SPOCK2: variants seen among roughly 807,000 people sequenced by gnomAD.
The protein encoded by SPOCK2 is SPARC (osteonectin), cwcv and kazal like domains proteoglycan 2.
Under a neutral mutation model 60.1 loss-of-function variants are expected in SPOCK2, and 39 were observed. The observed-to-expected ratio is 0.65, with a 90% CI of 0.50 to 0.85. The LOEUF (loss-of-function observed/expected upper bound fraction) is 0.85. Among genes scored for constraint, SPOCK2 ranks in the 40% least tolerant of loss-of-function variants. SPOCK2 has a pLI of 0.00. For synonymous variants in SPOCK2, 217 were observed against 231.5 expected, an observed-to-expected ratio of 0.94 and a Z score of 0.57; for missense variants, 523 against 567.4, an observed-to-expected ratio of 0.92 and a Z score of 0.80.
At position 72,084,423 on chromosome 10, in the gene SPOCK2, C is replaced by A. The variant is rs544597465; in HGVS notation, c.189+3717G>T. On this transcript the variant is annotated intron_variant, in intron 1 of 10. Transcript: ENST00000373109. Reference sequence around the variant, plus strand: ...CCAGAGCTGTCCCAGCACACTGCACCCCGGCCCCTCCTGGGTGGAGAGCTG... The same window carrying A: ...CCAGAGCTGTCCCAGCACACTGCACACCGGCCCCTCCTGGGTGGAGAGCTG... 5.9e-5 allele frequency among the ~76,000 whole-genome samples: 9 copies of A among 152,330 alleles called. No individual in the cohort carries two copies. The South Asian group carries it at 1.9e-3, about 32-fold the overall frequency.
chr10:72,076,353 CTATT>C (rs1271566371), intron 1 of SPOCK2, among the ~76,000 whole-genome samples: 2 of 152,140 alleles, frequency 1.3e-5, no homozygotes, highest in South Asian at 2.1e-4. Flanking sequence ...TGTTGGGTGT[CTATT>C]TATGGCACCC....
chr10:72,086,194 A>G, intron 1 of SPOCK2: 2 of 985,850 alleles, frequency 2.0e-6, no homozygotes, highest in Non-Finnish European at 2.4e-6. Flanking sequence ...AAGCTTTCCC[A>G]TGAATCTTAC....
intron 1 of SPOCK2, among the ~76,000 whole-genome samples, chr10:72,083,513 T>G (rs979740207): frequency 6.6e-6 from 1 of 152,236 alleles, no homozygotes; most frequent in Non-Finnish European, 1.5e-5. Flanking sequence ...AGCTCTTCTG[T>G]GCTCCAGGTA....
intron 8 of SPOCK2, among the ~76,000 whole-genome samples, chr10:72,066,527 G>C (rs977440212): frequency 1.3e-4 from 19 of 146,108 alleles, no homozygotes; most frequent in African/African-American, 4.1e-4. Context: ...TTTTCACAGA[G>C]AGGAGGTCTC....
intron 6 of SPOCK2, 100 bp from the exon 7 acceptor site, chr10:72,067,832 G>T: frequency 1.3e-6 from 2 of 1,506,834 alleles, no homozygotes; most frequent in South Asian, 2.4e-5. Flanking sequence ...GGCTGGGCAG[G>T]GGTCCGGGAG....
chr10:72,082,805 G>T (rs924296675), intron 1 of SPOCK2, among the ~76,000 whole-genome samples: 3 of 138,360 alleles, frequency 2.2e-5, no homozygotes, highest in East Asian at 4.2e-4. Flanking sequence ...AGTGAGCCAG[G>T]ATTGCATCAC....
intron 8 of SPOCK2, among the ~76,000 whole-genome samples, chr10:72,064,623 G>A (rs1023243612): frequency 1.6e-4 from 24 of 152,328 alleles, no homozygotes; most frequent in South Asian, 8.3e-4. Context: ...ATACAGCCAC[G>A]CGCTACACAA....
chr10:72,071,632 G>T (rs1840648257), intron 4 of SPOCK2, among the ~76,000 whole-genome samples: 1 of 152,180 alleles, frequency 6.6e-6, no homozygotes, highest in South Asian at 2.1e-4. Context: ...TAACCTATTT[G>T]TCTTAGAGAT....
At chr10:72,082,431 T>TC (rs1410989312) in intron 1 of SPOCK2, among the ~76,000 whole-genome samples, 4 of 151,836 alleles carry the variant, frequency 2.6e-5, no homozygotes, top group African/African-American at 4.8e-5. Flanking sequence ...CATATCTGTG[T>TC]CCCCCCCAGA....
In SPOCK2 at chr10:72,066,886, G is replaced by A. The variant is rs150653253; in HGVS notation, c.928+16C>T. ...ACACGGGTGAGGCAGGGGCCTGGGA[G>A]GGGGGCTGCACTCACTCTCCCTCCA... is the stretch of plus-strand genomic sequence containing the variant. On this transcript the variant is annotated intron_variant, in intron 8 of 10. Coordinates refer to ENST00000373109, the MANE Select transcript of SPOCK2 (RefSeq NM_001244950.2). 70 of 1,613,646 alleles carry A rather than the reference G, an allele frequency of 4.3e-5. No homozygotes were observed. In the South Asian group the frequency reaches 7.0e-4, roughly 16 times the overall value.
At chr10:72,080,676 G>A (rs1298218334) in intron 1 of SPOCK2, among the ~76,000 whole-genome samples, 2 of 152,108 alleles carry the variant, frequency 1.3e-5, no homozygotes, top group African/African-American at 4.8e-5. Context: ...TGGAGGGGGC[G>A]GCAGAGGCTG....
At position 72,064,114 on chromosome 10, in the gene SPOCK2, G is replaced by A. The variant is rs961479913; in HGVS notation, c.991+64C>T. ...TGAGGCCCAAGGCTGGAGGCCCTGG[G>A]TCTCAGACAAACCCAGGAAGCCGTC... On this transcript the variant is annotated intron_variant, in intron 9 of 10. Coordinates refer to ENST00000373109, the MANE Select transcript of SPOCK2 (RefSeq NM_001244950.2). 9 of 1,579,374 alleles carry A rather than the reference G, an allele frequency of 5.7e-6. No homozygotes were observed. The African/African-American group carries it at 8.1e-5, about 14-fold the overall frequency.
intron 1 of SPOCK2, chr10:72,086,546 C>T (rs915999909): frequency 2.6e-6 from 3 of 1,140,490 alleles, no homozygotes; most frequent in East Asian, 1.6e-4. Flanking sequence ...GGCCTGCTGC[C>T]GCCCCCTCGC....
rs978121470 is a variant in SPOCK2, at chr10:72,059,952, T to C, written c.*2808A>G. The stretch of plus-strand genomic sequence containing the variant: ...CCAGGACCAAGCAAGCAAGAAACCG[T>C]TCTTTGAACACATGGTTAAGCTTCT... On this transcript the variant is annotated 3_prime_UTR_variant, in exon 11 of 11. Transcript: ENST00000373109. The C allele has an allele frequency of 3.3e-5, 5 of 152,672 alleles. No homozygotes were observed. Among genetic ancestry groups the C allele is most frequent in the Admixed American group, 6.5e-5 (1 of 15,276 alleles). The allele number at this position is 152,672 out of a possible 1,614,324, so 9.5% of individuals were successfully genotyped here.
chr10:72,077,238 A>G (rs1017448246), intron 1 of SPOCK2, among the ~76,000 whole-genome samples: 3 of 152,106 alleles, frequency 2.0e-5, no homozygotes, highest in African/African-American at 7.2e-5. Flanking sequence ...CTCCCACCTC[A>G]GCCTTCCAAG....
chr10:72,086,673 C>G, intron 1 of SPOCK2: 2 of 1,286,448 alleles, frequency 1.6e-6, no homozygotes, highest in Non-Finnish European at 2.0e-6. Flanking sequence ...CTGGACAGGT[C>G]GCATGTGGGG....
intron 9 of SPOCK2, 146 bp downstream of exon 9, chr10:72,064,032 G>C (rs1341843383): frequency 9.9e-7 from 1 of 1,012,154 alleles, no homozygotes; most frequent in Non-Finnish European, 1.4e-6. Context: ...CACAGGAAGG[G>C]GGCAACCCTC....
Position 72,062,859 on chromosome 10 carries a change from C to T in SPOCK2, c.1176G>A (p.Trp392Ter), listed in dbSNP as rs1840512799. The change falls in exon 11 of 11, where the codon TGG (tryptophan) becomes TGA (stop). Residue 392 changes from tryptophan to a stop codon, truncating the protein, a stop_gained. Coordinates refer to ENST00000373109, the MANE Select transcript of SPOCK2 (RefSeq NM_001244950.2). LOFTEE classifies it high-confidence loss of function. The surrounding 1 kb of genome is among the most constrained non-coding windows in gnomAD (Gnocchi z 4.3). ...FSGDFGSGVG[W>*]EDEEEKETEE... ...CCGTCTCCTTCTCCTCCTCATCCTCCCAGCCGACACCGCTTCCAAAGTCCC... is the reference window on the plus strand; with the variant it reads ...CCGTCTCCTTCTCCTCCTCATCCTCTCAGCCGACACCGCTTCCAAAGTCCC... The T allele has an allele frequency of 6.2e-7, 1 of 1,603,772 alleles. No individual in the cohort carries two copies. The highest frequency in any genetic ancestry group is 8.5e-7 in the Non-Finnish European group (1 of 1,176,496).
chr10:72,061,542 C>T lies in SPOCK2; in HGVS notation c.*1218G>A, dbSNP rs1402697049. 6.5e-6 allele frequency: 1 copy of T among 152,768 alleles called. No individual in the cohort carries two copies. Among genetic ancestry groups the T allele is most frequent in the Non-Finnish European group, 1.5e-5 (1 of 68,510 alleles). 9.5% of individuals were successfully genotyped at this position (152,768 alleles called of 1,614,324 possible). On this transcript the variant is annotated 3_prime_UTR_variant, in exon 11 of 11. Transcript: ENST00000373109. ...CGGCAGCTGCTTCTCTCCGGGGTCT[C>T]AGGGACAGCTCTCTCTGTTGGTCTG... is the stretch of plus-strand genomic sequence containing the variant.
Sources: gnomAD v4.1 joint callset for allele counts (sites outside exome capture counted in the v4.1 genomes callset) on GRCh38, gnomAD v4.1.1 for gene constraint, Gnocchi (gnomAD v3.1) non-coding constraint, MANE v1.5 for transcripts, NCBI Gene and HGNC (gene_info 2026-07-23, HGNC 2026-07-21) for gene names.